Variants in ITPRID1 observed in about 807,000 individuals in gnomAD.
ITPRID1 encodes the protein ITPR interacting domain containing 1, also known as protein ITPRID1.
ITPRID1 carries 96 observed loss-of-function variants against 95.4 expected under a neutral mutation model. The observed-to-expected ratio is 1.01, with a 90% CI of 0.85 to 1.19. ITPRID1 has a LOEUF of 1.19. Among genes scored for constraint, ITPRID1 ranks in the 50% most tolerant of loss-of-function variants. ITPRID1 has a pLI of 0.00. For synonymous variants in ITPRID1, 510 were observed against 453.6 expected (o/e 1.12, Z -1.58); for missense variants, 1,339 against 1,252.9 (o/e 1.07, Z -1.04).
chr7:31,642,463 C>T (rs771749810), intron 11 of ITPRID1, among the ~76,000 whole-genome samples: 4 of 152,176 alleles, frequency 2.6e-5, no homozygotes, highest in Non-Finnish European at 2.9e-5. Flanking sequence ...GACAAGGTGC[C>T]GGAAAGTGTG....
intron 10 of ITPRID1, among the ~76,000 whole-genome samples, chr7:31,635,612 T>G (rs931165140): frequency 2.6e-5 from 4 of 152,206 alleles, no homozygotes; most frequent in African/African-American, 9.6e-5. Context: ...TTCTACCTTT[T>G]AGGGACCCTT....
At chr7:31,627,659 CAAAAAA>C (rs3078462) in intron 10 of ITPRID1, among the ~76,000 whole-genome samples, 5 of 75,542 alleles carry the variant, frequency 6.6e-5, no homozygotes, top group South Asian at 1.4e-3. Flanking sequence ...GACACTGTCT[CAAAAAA>C]AAAAAAAAAA....
chr7:31,569,552 G>A (rs1467450299), intron 5 of ITPRID1, among the ~76,000 whole-genome samples: 1 of 152,112 alleles, frequency 6.6e-6, no homozygotes, highest in Admixed American at 6.5e-5. Flanking sequence ...CCTCTCCATT[G>A]AGCCAGTACA....
At chr7:31,630,980 A>C (rs1474389432) in intron 10 of ITPRID1, among the ~76,000 whole-genome samples, 1 of 152,204 alleles carries the variant, frequency 6.6e-6, no homozygotes, top group African/African-American at 2.4e-5. Context: ...AAGGAACATA[A>C]ATTGTTCAGT....
chr7:31,553,321 T>C, intron 3 of ITPRID1, 134 bp downstream of exon 3: 1 of 804,644 alleles, frequency 1.2e-6, no homozygotes. Context: ...CCTGGCATGA[T>C]GCCGGAAACA....
At chr7:31,568,082 C>T (rs574746701) in intron 5 of ITPRID1, among the ~76,000 whole-genome samples, 71 of 150,768 alleles carry the variant, frequency 4.7e-4, no homozygotes, top group African/African-American at 1.6e-3. Context: ...GCTGAAATCA[C>T]GACACTGCAC....
chr7:31,517,938 A>T (rs929371025), intron 1 of ITPRID1: 2 of 152,312 alleles, frequency 1.3e-5, no homozygotes, highest in African/African-American at 4.8e-5. Flanking sequence ...TGGTAGACAG[A>T]ATAGTGCCTC....
intron 10 of ITPRID1, among the ~76,000 whole-genome samples, chr7:31,622,358 T>A (rs1787997114): frequency 6.6e-6 from 1 of 152,044 alleles, no homozygotes; most frequent in African/African-American, 2.4e-5. Flanking sequence ...TAGTTGGAAG[T>A]AAAGCTCTCC....
chr7:31,564,986 C>A (rs1280667227), intron 5 of ITPRID1, among the ~76,000 whole-genome samples: 1 of 152,132 alleles, frequency 6.6e-6, no homozygotes, highest in Non-Finnish European at 1.5e-5. Flanking sequence ...CAGGACCTGG[C>A]CCTGACAAAC....
At chr7:31,645,594 TCATCACCACCACC>T (rs997432512) in intron 12 of ITPRID1, among the ~76,000 whole-genome samples, 3 of 152,010 alleles carry the variant, frequency 2.0e-5, no homozygotes, top group African/African-American at 4.8e-5. Flanking sequence ...ACCATAACCA[TCATCACCACCACC>T]CACCACCACC....
At chr7:31,642,090 G>C (rs1790069848) in intron 10 of ITPRID1, 86 bp from the exon 11 acceptor site, 1 of 794,532 alleles carries the variant, frequency 1.3e-6, no homozygotes, top group African/African-American at 1.7e-5. Context: ...GATCCATGGT[G>C]TGTCAGGCAC....
intron 10 of ITPRID1, among the ~76,000 whole-genome samples, chr7:31,639,630 G>A (rs1289128198): frequency 2.0e-5 from 3 of 148,294 alleles, no homozygotes; most frequent in Admixed American, 6.8e-5. Flanking sequence ...TCTGCCTCCC[G>A]GGTTCATGCC....
chr7:31,553,265 A>T (rs971680084), intron 3 of ITPRID1, 78 bp downstream of exon 3: 2 of 1,367,964 alleles, frequency 1.5e-6, no homozygotes, highest in Non-Finnish European at 2.0e-6. Flanking sequence ...GGCCAGGGGC[A>T]GGTGATTTTG....
downstream of ITPRID1, among the ~76,000 whole-genome samples, chr7:31,657,857 GA>G (rs879343459): frequency 6.6e-6 from 1 of 151,068 alleles, no homozygotes; most frequent in Admixed American, 6.6e-5. Context: ...AAATGAAAAT[GA>G]AAAAAAAGAA....
At chr7:31,629,687 C>A (rs944119368) in intron 10 of ITPRID1, among the ~76,000 whole-genome samples, 1 of 152,118 alleles carries the variant, frequency 6.6e-6, no homozygotes, top group Non-Finnish European at 1.5e-5. Context: ...AAAAAGCATC[C>A]TCATATTAGA....
intron 10 of ITPRID1, among the ~76,000 whole-genome samples, chr7:31,630,954 T>A (rs1448409892): frequency 6.6e-6 from 1 of 152,124 alleles, no homozygotes; most frequent in Non-Finnish European, 1.5e-5. Flanking sequence ...AGAAACAGTC[T>A]TTTTAGAGAA....
chr7:31,519,425 A>G (rs1583451426), intron 1 of ITPRID1, among the ~76,000 whole-genome samples: 1 of 151,980 alleles, frequency 6.6e-6, no homozygotes, highest in South Asian at 2.1e-4. Context: ...TATTCTAAAA[A>G]TGCAGTCATA....
intron 10 of ITPRID1, among the ~76,000 whole-genome samples, chr7:31,619,184 CAAGG>C (rs1787560604): frequency 6.6e-6 from 1 of 152,120 alleles, no homozygotes; most frequent in African/African-American, 2.4e-5. Flanking sequence ...TAAGTACAGG[CAAGG>C]TGTCCTTTCT....
At chr7:31,552,841 A>G (rs1187614488) in intron 2 of ITPRID1, among the ~76,000 whole-genome samples, 161 bp from the exon 3 acceptor site, 1 of 152,160 alleles carries the variant, frequency 6.6e-6, no homozygotes, top group African/African-American at 2.4e-5. Context: ...AAACTGAGAC[A>G]GGGAGCTTGG....
Sources: allele counts gnomAD v4.1 joint callset (sites outside exome capture counted in the v4.1 genomes callset), GRCh38; gene constraint gnomAD v4.1.1; transcripts MANE v1.5; gene names NCBI Gene and HGNC (gene_info 2026-07-23, HGNC 2026-07-21).